Variants in RNF220 observed in about 807,000 individuals in gnomAD.
RNF220 encodes E3 ubiquitin-protein ligase RNF220.
RNF220 carries 7 observed loss-of-function variants against 67.1 expected under a neutral mutation model. That is an observed-to-expected ratio of 0.10 (90% CI 0.06 to 0.20). The LOEUF (loss-of-function observed/expected upper bound fraction) is 0.20. RNF220 is among the 10% of genes least tolerant of loss of function. The pLI is 1.00. For missense variants in RNF220, 565 were observed against 740.3 expected (o/e 0.76, Z 2.75); for synonymous variants, 270 against 283.2 (o/e 0.95, Z 0.47).
intron 2 of RNF220, among the ~76,000 whole-genome samples, chr1:44,490,615 C>T (rs1157995982): frequency 1.3e-5 from 2 of 151,730 alleles, no homozygotes; most frequent in Non-Finnish European, 2.9e-5. Flanking sequence ...AAATTTATAG[C>T]TGTAAATGCC....
intron 2 of RNF220, among the ~76,000 whole-genome samples, chr1:44,499,468 C>T (rs796588221): frequency 1.3e-5 from 2 of 152,112 alleles, no homozygotes; most frequent in Admixed American, 1.3e-4. Context: ...CTGTCACTCC[C>T]GTCTTCTAGA....
At chr1:44,445,127 TC>T (rs1206638550) in intron 2 of RNF220, among the ~76,000 whole-genome samples, 1 of 152,210 alleles carries the variant, frequency 6.6e-6, no homozygotes, top group East Asian at 1.9e-4. Flanking sequence ...GAGCACCTTT[TC>T]ATATGTTTAT....
chr1:44,468,689 G>A (rs905804533), intron 2 of RNF220, among the ~76,000 whole-genome samples: 2 of 152,140 alleles, frequency 1.3e-5, no homozygotes, highest in African/African-American at 4.8e-5. Flanking sequence ...TGAGGCAGGT[G>A]GATTGCTTGA....
At chr1:44,410,923 A>G (rs1647896585) in intron 1 of RNF220, among the ~76,000 whole-genome samples, 1 of 152,214 alleles carries the variant, frequency 6.6e-6, no homozygotes, top group South Asian at 2.1e-4. Flanking sequence ...GGAACCACTG[A>G]CTATGAAAAT....
rs976720641 is a variant in RNF220 at position 44,606,817 on chromosome 1, G to C, written c.626-7348G>C. ...TGCCAGACATTGTTCCAGGCACAGAGGACACAGTGGTGAGCTTCGGTGCTC... is the reference window on the plus strand; with the variant it reads ...TGCCAGACATTGTTCCAGGCACAGACGACACAGTGGTGAGCTTCGGTGCTC... On this transcript the variant is annotated intron_variant, in intron 2 of 14. Transcript: ENST00000361799. This position sits in a 1 kb window ranked among gnomAD's most constrained non-coding sequence, Gnocchi z 4.2. 6.6e-6 allele frequency among the ~76,000 whole-genome samples: 1 copy of C among 152,146 alleles called. No individual in the cohort carries two copies. Among genetic ancestry groups the C allele is most frequent in the Non-Finnish European group, 1.5e-5 (1 of 68,028 alleles).
At chr1:44,542,794 C>T (rs1279152856) in intron 2 of RNF220, among the ~76,000 whole-genome samples, 2 of 152,194 alleles carry the variant, frequency 1.3e-5, no homozygotes, top group Non-Finnish European at 2.9e-5. Context: ...CCTGAACCCT[C>T]GAGTTCTCCT....
upstream of RNF220, chr1:44,405,208 T>C: frequency 3.0e-6 from 1 of 337,992 alleles, no homozygotes; most frequent in East Asian, 6.2e-5. Flanking sequence ...TGCGTGTGTG[T>C]GTGCGCGCGT....
intron 2 of RNF220, among the ~76,000 whole-genome samples, chr1:44,447,088 G>A (rs112787153): frequency 1.1e-4 from 17 of 152,278 alleles, no homozygotes; most frequent in Admixed American, 8.5e-4. Flanking sequence ...TCCTAAAAAA[G>A]CAAATCATTT....
chr1:44,419,763 AG>A (rs1420359911), intron 2 of RNF220: 3 of 152,222 alleles, frequency 2.0e-5, no homozygotes, highest in Non-Finnish European at 4.4e-5. Flanking sequence ...ATGATGATGA[AG>A]GTAGGGAGGG....
intron 2 of RNF220, among the ~76,000 whole-genome samples, chr1:44,458,458 C>G (rs1245063740): frequency 6.6e-6 from 1 of 151,672 alleles, no homozygotes; most frequent in Non-Finnish European, 1.5e-5. Flanking sequence ...CCTTTTTGTG[C>G]CTCAGTTTCC....
chr1:44,505,494 C>T (rs1658334036), intron 2 of RNF220, among the ~76,000 whole-genome samples: 5 of 152,242 alleles, frequency 3.3e-5, no homozygotes, highest in South Asian at 2.1e-4. Flanking sequence ...TTAACCCCTG[C>T]GGCTGGCCCG....
intron 2 of RNF220, among the ~76,000 whole-genome samples, chr1:44,509,882 GTCCAAA>G (rs1409744143): frequency 5.9e-4 from 9 of 15,164 alleles, no homozygotes; most frequent in African/African-American, 9.3e-4. Flanking sequence ...GCGAGACCCT[GTCCAAA>G]AAAAAAAAAA....
At chr1:44,586,081 T>C (rs1337325261) in intron 2 of RNF220, among the ~76,000 whole-genome samples, 1 of 152,214 alleles carries the variant, frequency 6.6e-6, no homozygotes, top group African/African-American at 2.4e-5. Context: ...TTGTTTAATG[T>C]AATAATTTAA....
intron 2 of RNF220, among the ~76,000 whole-genome samples, chr1:44,520,124 T>TGAGAGA (rs1408246901): frequency 4.2e-5 from 6 of 142,708 alleles, no homozygotes; most frequent in African/African-American, 1.6e-4. Flanking sequence ...TGTGTGTGTG[T>TGAGAGA]GTGTGAGAGA....
At chr1:44,598,240 C>A (rs57259875) in intron 2 of RNF220, among the ~76,000 whole-genome samples, 32,165 of 152,074 alleles carry the variant, frequency 0.21, 3,843 homozygotes, top group Middle Eastern at 0.39. Flanking sequence ...CCTCCCCACC[C>A]CTCCCCAGGT....
intron 2 of RNF220, among the ~76,000 whole-genome samples, chr1:44,563,212 C>G (rs987026421): frequency 6.6e-6 from 1 of 151,378 alleles, no homozygotes; most frequent in East Asian, 1.9e-4. Flanking sequence ...CCCCTTTTTC[C>G]TGGTGAGCTC....
At chr1:44,424,896 C>T (rs1298436806) in intron 2 of RNF220, among the ~76,000 whole-genome samples, 1 of 152,260 alleles carries the variant, frequency 6.6e-6, no homozygotes, top group Non-Finnish European at 1.5e-5. Flanking sequence ...CGCTTATCTT[C>T]TCACTGCTGT....
intron 2 of RNF220, among the ~76,000 whole-genome samples, chr1:44,607,641 C>T (rs917583486): frequency 6.6e-6 from 1 of 152,098 alleles, no homozygotes; most frequent in Middle Eastern, 3.2e-3. Context: ...GCGCCCGCCA[C>T]CACGCCCAGC....
chr1:44,486,565 GT>G (rs1411755947), intron 2 of RNF220, among the ~76,000 whole-genome samples: 1 of 152,270 alleles, frequency 6.6e-6, no homozygotes, highest in East Asian at 1.9e-4. Context: ...AATCAGGCTG[GT>G]TTTTTATCAA....
Sources: allele counts gnomAD v4.1 joint callset (sites outside exome capture counted in the v4.1 genomes callset), GRCh38; gene constraint gnomAD v4.1.1; non-coding constraint Gnocchi (gnomAD v3.1); transcripts MANE v1.5; gene names NCBI Gene and HGNC (gene_info 2026-07-23, HGNC 2026-07-21).